The following HERC2 variants were observed in gnomAD, a reference collection of about 807,000 sequenced individuals.
HERC2 encodes E3 ubiquitin-protein ligase HERC2.
Under a neutral mutation model 537.7 loss-of-function variants are expected in HERC2, and 102 were observed. The observed-to-expected ratio is 0.19, with a 90% CI of 0.16 to 0.22. The LOEUF is 0.22. Ranked by LOEUF, HERC2 falls within the 10% of genes least tolerant of loss-of-function variation. The pLI is 1.00. For synonymous variants in HERC2, 2,224 were observed against 2,466.2 expected, an observed-to-expected ratio of 0.90 and a Z score of 2.91; for missense variants, 4,236 against 6,198.2, an observed-to-expected ratio of 0.68 and a Z score of 10.63.
intron 21 of HERC2, among the ~76,000 whole-genome samples, chr15:28,247,803 C>A (rs968057353): frequency 2.0e-5 from 3 of 152,196 alleles, no homozygotes; most frequent in African/African-American, 7.2e-5. Context: ...AAACTATCAG[C>A]TCACCTACTG....
Position 28,233,417 on chromosome 15 carries a change from G to C in HERC2, c.4479+17C>G. ...CTGTCTGCAAAGCACAGAATAAAAA[G>C]AATTAAAATCTATCACCTTAATGAG... On this transcript the variant is annotated intron_variant, in intron 29 of 92. Transcript: ENST00000261609. 1 of 1,320,770 alleles carries C rather than the reference G, an allele frequency of 7.6e-7. No individual in the cohort carries two copies. Among genetic ancestry groups the C allele is most frequent in the Middle Eastern group, 2.1e-4 (1 of 4,818 alleles). The allele number at this position is 1,320,770 out of a possible 1,614,324, so 81.8% of individuals were successfully genotyped here. A position where few individuals can be genotyped will look rare whatever the true frequency, so the allele number is the denominator to read the frequency against.
At chr15:28,150,118 C>T (rs767965910) in intron 70 of HERC2, among the ~76,000 whole-genome samples, 2 of 151,726 alleles carry the variant, frequency 1.3e-5, no homozygotes, top group Middle Eastern at 3.4e-3. Context: ...ACACACGGCT[C>T]CTAACCGAGA....
intron 11 of HERC2, 128 bp downstream of exon 11, chr15:28,269,120 T>G: frequency 1.5e-6 from 1 of 688,192 alleles, no homozygotes; most frequent in Non-Finnish European, 2.4e-6. Context: ...AAACATAATA[T>G]ACAATAAACA....
intron 5 of HERC2, among the ~76,000 whole-genome samples, chr15:28,276,746 A>C (rs1209887721): frequency 6.6e-6 from 1 of 150,380 alleles, no homozygotes; most frequent in Non-Finnish European, 1.5e-5. Context: ...CAAAAAAAAA[A>C]CAAAAACAAA....
At chr15:28,128,679 A>G (rs1006843733) in intron 83 of HERC2, among the ~76,000 whole-genome samples, 4 of 152,244 alleles carry the variant, frequency 2.6e-5, no homozygotes, top group African/African-American at 9.6e-5. Flanking sequence ...CACTGCTGCC[A>G]TAACACATCC....
chr15:28,172,733 A>G (rs1894819943), intron 65 of HERC2, among the ~76,000 whole-genome samples: 1 of 152,156 alleles, frequency 6.6e-6, no homozygotes, highest in Admixed American at 6.5e-5. Flanking sequence ...TCAAAAGTAC[A>G]CTCTACAAAA....
chr15:28,264,832 C>A (rs1402580918), intron 14 of HERC2, among the ~76,000 whole-genome samples: 1 of 152,118 alleles, frequency 6.6e-6, no homozygotes, highest in Non-Finnish European at 1.5e-5. Context: ...CAGCAGGAGC[C>A]TTTCAGATGA....
intron 69 of HERC2, among the ~76,000 whole-genome samples, chr15:28,157,582 G>C (rs1413974785): frequency 1.3e-5 from 2 of 152,210 alleles, no homozygotes; most frequent in African/African-American, 2.4e-5. Flanking sequence ...TATGGAATCA[G>C]TGGTGATATC....
chr15:28,143,805 G>C, intron 74 of HERC2, 68 bp downstream of exon 74: 1 of 1,591,928 alleles, frequency 6.3e-7, no homozygotes, highest in Non-Finnish European at 8.6e-7. Flanking sequence ...TAGAGGTTTA[G>C]ACTACTAAAG....
At chr15:28,128,514 C>T (rs1157965431) in intron 83 of HERC2, among the ~76,000 whole-genome samples, 1 of 152,234 alleles carries the variant, frequency 6.6e-6, no homozygotes, top group Non-Finnish European at 1.5e-5. Flanking sequence ...CAATGTCCTT[C>T]CACTACAGGC....
intron 52 of HERC2, among the ~76,000 whole-genome samples, chr15:28,193,079 T>G (rs1157111058): frequency 2.6e-5 from 4 of 152,118 alleles, no homozygotes; most frequent in Non-Finnish European, 4.4e-5. Context: ...CAATAACATC[T>G]TAGCCTCAAA....
rs761616562 is a variant in HERC2, at chr15:28,214,190, C to G, written c.6441G>C (p.Val2147=). 2.5e-6 allele frequency: 4 copies of G among 1,612,704 alleles called. No individual in the cohort carries two copies. The highest frequency in any genetic ancestry group is 3.4e-6 in the Non-Finnish European group (4 of 1,179,936). ...THSSTLAEEV[V]ALLRTLHSLT... is the part of the protein sequence containing the mutation. ...GGGAGTGCAGCGTGCGCAGCAGTGC[C>G]ACCACCTCCTCCGCCAGTGTGCTGC... The change falls in exon 41 of 93, where the codon GTG becomes GTC. Residue 2147 remains valine (V), a synonymous_variant. Transcript: ENST00000261609.
chr15:28,286,893 G>A lies in HERC2; in HGVS notation c.322+5995C>T, dbSNP rs577612283. 1.2e-3 allele frequency among the ~76,000 whole-genome samples: 185 copies of A among 152,280 alleles called. 1 individual carries two copies. The highest frequency in any genetic ancestry group is 4.3e-3 in the African/African-American group (177 of 41,552). On this transcript the variant is annotated intron_variant, in intron 4 of 92. Transcript: ENST00000261609. Reference sequence around the variant, plus strand: ...CTGAGGGCCTACACGCTGCAATGTTGAGAAGCAAGTGTCCAGAGGTCTCCT... The same window carrying A: ...CTGAGGGCCTACACGCTGCAATGTTAAGAAGCAAGTGTCCAGAGGTCTCCT...
rs1383633515 is a variant in HERC2, at chr15:28,190,974, G to A, written c.8640C>T (p.Asp2880=). The A allele has an allele frequency of 1.2e-6, 2 of 1,601,228 alleles. No homozygotes were observed. The highest frequency in any genetic ancestry group is 8.6e-7 in the Non-Finnish European group (1 of 1,168,184). ...TAGCATAGCTACTTACCTCTGTGCA[G>A]TCATTCAGAAGGGGCACTGTGGTGT... ...PSDTTVPLLN[D]CTEYHRYIEI... The change falls in exon 55 of 93, where the codon GAC becomes GAT. Residue 2880 remains aspartate, a synonymous_variant. Transcript: ENST00000261609.
In HERC2 at chr15:28,111,525, TGCA is replaced by T. The variant is rs1156350757; in HGVS notation, c.*235_*237del. 9 of 568,128 alleles carry T rather than the reference TGCA, an allele frequency of 1.6e-5. No individual in the cohort carries two copies. Among genetic ancestry groups the T allele is most frequent in the African/African-American group, 1.5e-4 (8 of 53,642 alleles). 35.2% of individuals were successfully genotyped at this position (568,128 alleles called of 1,614,324 possible). On this transcript the variant is annotated 3_prime_UTR_variant, in exon 93 of 93. Coordinates refer to ENST00000261609, the MANE Select transcript of HERC2 (RefSeq NM_004667.6). ...TTAGTAAACACAGTCCTACATGTAA[TGCA>T]GCATTACGGGTGAGAAGACCCTTGG...
chr15:28,315,346 G>A (rs2077052732), intron 2 of HERC2, among the ~76,000 whole-genome samples: 1 of 152,232 alleles, frequency 6.6e-6, no homozygotes, highest in Non-Finnish European at 1.5e-5. Flanking sequence ...CAACTCTCTT[G>A]CGTGACATCA....
chr15:28,164,745 C>T (rs1016239204), intron 68 of HERC2, among the ~76,000 whole-genome samples: 1 of 152,096 alleles, frequency 6.6e-6, no homozygotes. Flanking sequence ...CTGGATAATG[C>T]CTATGTCTCA....
intron 83 of HERC2, 33 bp downstream of exon 83, chr15:28,130,130 G>T: frequency 6.2e-7 from 1 of 1,611,366 alleles, no homozygotes; most frequent in African/African-American, 1.3e-5. Context: ...AGATTCACAG[G>T]CCTCAGTCCT....
At position 28,292,996 on chromosome 15, in the gene HERC2, T is replaced by C. The variant is rs1395973176; in HGVS notation, c.214A>G (p.Lys72Glu). Reference protein sequence around the residue: ...KDDSVEPSGTKKEDLNDKEKK... With the variant: ...KDDSVEPSGTEKEDLNDKEKK... ...TCTTTGTCATTCAGATCTTCTTTCTTTGTTCCACTTGGTTCGACACTATCA... is the reference window on the plus strand; with the variant it reads ...TCTTTGTCATTCAGATCTTCTTTCTCTGTTCCACTTGGTTCGACACTATCA... The change falls in exon 4 of 93, where the codon AAG (lysine) becomes GAG (glutamate). Residue 72 changes from lysine (K) to glutamate (E), a missense_variant. This residue lies in a region of HERC2 where 491 missense variants were observed against 559.3 expected (regional missense o/e 0.88). Coordinates refer to ENST00000261609, the MANE Select transcript of HERC2 (RefSeq NM_004667.6). 14 of 1,610,974 alleles carry C rather than the reference T, an allele frequency of 8.7e-6. No individual in the cohort carries two copies. The highest frequency in any genetic ancestry group is 1.1e-5 in the Non-Finnish European group (13 of 1,179,612).
Sources: allele counts gnomAD v4.1 joint callset (sites outside exome capture counted in the v4.1 genomes callset), GRCh38; gene constraint gnomAD v4.1.1; regional missense constraint gnomAD v4.1.1; transcripts MANE v1.5; gene names NCBI Gene and HGNC (gene_info 2026-07-23, HGNC 2026-07-21).